The following TRPC7 variants were observed in gnomAD, a reference collection of about 807,000 sequenced individuals.
TRPC7 encodes the protein short transient receptor potential channel 7.
Under a neutral mutation model 90.1 loss-of-function variants are expected in TRPC7, and 42 were observed. The observed-to-expected ratio is 0.47, with a 90% CI of 0.36 to 0.60. The LOEUF (loss-of-function observed/expected upper bound fraction) is 0.60, where lower values mean the gene tolerates loss of function less well. TRPC7 is among the 20% of genes least tolerant of loss of function. TRPC7 has a pLI of 0.00. For synonymous variants in TRPC7, 451 were observed against 436.3 expected, an observed-to-expected ratio of 1.03 and a Z score of -0.42; for missense variants, 955 against 1,112.3, an observed-to-expected ratio of 0.86 and a Z score of 2.01.
At chr5:136,263,122 C>T (rs377446524) in intron 5 of TRPC7, among the ~76,000 whole-genome samples, 7 of 152,140 alleles carry the variant, frequency 4.6e-5, no homozygotes, top group African/African-American at 7.2e-5. Flanking sequence ...AGCTAAAAGC[C>T]GAACCGTTTT....
At chr5:136,238,231 G>A (rs376371746) in intron 7 of TRPC7, among the ~76,000 whole-genome samples, 13 of 152,128 alleles carry the variant, frequency 8.5e-5, no homozygotes, top group African/African-American at 1.4e-4. Context: ...CCCTAGCTCC[G>A]AGCTCTTAAT....
At chr5:136,320,088 C>T (rs1303813) in intron 2 of TRPC7, among the ~76,000 whole-genome samples, 104,273 of 151,692 alleles carry the variant, frequency 0.69, 36,144 homozygotes, top group African/African-American at 0.77. Context: ...CATTTTGAAC[C>T]TCATAAAATT....
chr5:136,365,314 G>A lies in TRPC7; in HGVS notation c.-60C>T, dbSNP rs1400848482. On this transcript the variant is annotated 5_prime_UTR_variant, in exon 1 of 12. Coordinates refer to ENST00000513104, the MANE Select transcript of TRPC7 (RefSeq NM_020389.3). ...GATGACCGGAATCCGGTGTTGAGTC[G>A]CCAGAAGCTGGCTCCCCATGGGTGG... 5 of 1,529,392 alleles carry A rather than the reference G, an allele frequency of 3.3e-6. No individual in the cohort carries two copies. The highest frequency in any genetic ancestry group is 1.2e-5 in the South Asian group (1 of 83,874). 94.7% of individuals were successfully genotyped at this position (1,529,392 alleles called of 1,614,324 possible). A position where few individuals can be genotyped will look rare whatever the true frequency, so the allele number is the denominator to read the frequency against.
Position 136,274,763 on chromosome 5 carries a change from C to A in TRPC7, c.1038G>T (p.Gln346His). The A allele has an allele frequency of 6.2e-7, 1 of 1,609,024 alleles. No individual in the cohort carries two copies. The highest frequency in any genetic ancestry group is 8.5e-7 in the Non-Finnish European group (1 of 1,177,774). ...CAGCCAGGAATTTCACAGCGATAGA[C>A]TGTTGACGTAAGCCTGAGAGATTTT... ...WYENLSGLRQ[Q>H]SIAVKFLAVF... The change falls in exon 4 of 12, where the codon CAG (glutamine) becomes CAT (histidine). Residue 346 changes from glutamine (Q) to histidine (H), a missense_variant. By Grantham distance (24) the Gln-to-His change is conservative. Transcript: ENST00000513104.
chr5:136,299,514 C>T (rs1454495734), intron 3 of TRPC7, among the ~76,000 whole-genome samples: 2 of 152,040 alleles, frequency 1.3e-5, no homozygotes, highest in Admixed American at 1.3e-4. Context: ...AAATTTTCAA[C>T]TACAATTATA....
chr5:136,262,118 C>T (rs1340535066), intron 5 of TRPC7, among the ~76,000 whole-genome samples: 5 of 152,312 alleles, frequency 3.3e-5, no homozygotes, highest in African/African-American at 9.6e-5. Context: ...CCATTTCCTT[C>T]CTGTCTAAAT....
intron 2 of TRPC7, among the ~76,000 whole-genome samples, chr5:136,330,162 C>A (rs1038406042): frequency 2.6e-5 from 4 of 152,194 alleles, no homozygotes; most frequent in Non-Finnish European, 4.4e-5. Context: ...CCCACCTGCC[C>A]CGCCCCCACA....
intron 2 of TRPC7, among the ~76,000 whole-genome samples, chr5:136,355,218 T>A (rs1760325614): frequency 6.6e-6 from 1 of 152,196 alleles, no homozygotes; most frequent in South Asian, 2.1e-4. Flanking sequence ...CAGTGGGCAA[T>A]CCTTTATCAT....
At chr5:136,223,645 G>T (rs541453023) in intron 10 of TRPC7, among the ~76,000 whole-genome samples, 4 of 151,390 alleles carry the variant, frequency 2.6e-5, no homozygotes, top group South Asian at 4.2e-4. Flanking sequence ...AAAAAAAAAA[G>T]TAAAAAAAGA....
chr5:136,356,561 G>A (rs1418006106), intron 2 of TRPC7, 47 bp downstream of exon 2: 3 of 1,486,322 alleles, frequency 2.0e-6, no homozygotes, highest in Non-Finnish European at 2.7e-6. Context: ...ACACGTGGAA[G>A]AGCCCCCTGG....
chr5:136,213,658 T>C, intron 11 of TRPC7, 54 bp from the exon 12 acceptor site: 1 of 1,590,910 alleles, frequency 6.3e-7, no homozygotes, highest in Non-Finnish European at 8.6e-7. Context: ...GCTCGGGGCT[T>C]GTCCCATGCA....
intron 7 of TRPC7, among the ~76,000 whole-genome samples, chr5:136,235,831 T>C (rs568237067): frequency 1.3e-5 from 2 of 152,304 alleles, no homozygotes; most frequent in African/African-American, 4.8e-5. Context: ...TTATAAAGTT[T>C]GCCACAGATT....
chr5:136,226,341 A>C lies in TRPC7; in HGVS notation c.2041-86T>G, dbSNP rs549143570. The stretch of plus-strand genomic sequence containing the variant: ...ACCTGAGGAGCAGAGACACAGCCCC[A>C]ACATTCGGAAAGCAGACTTCTAAGC... On this transcript the variant is annotated intron_variant, in intron 8 of 11. Coordinates refer to ENST00000513104, the MANE Select transcript of TRPC7 (RefSeq NM_020389.3). The C allele has an allele frequency of 7.4e-6, 7 of 946,498 alleles. No homozygotes were observed. In the Admixed American group the frequency reaches 1.2e-4, roughly 16 times the overall value. The allele number at this position is 946,498 out of a possible 1,614,324, so 58.6% of individuals were successfully genotyped here.
At chr5:136,363,115 C>T (rs1347737427) in intron 1 of TRPC7, among the ~76,000 whole-genome samples, 1 of 152,138 alleles carries the variant, frequency 6.6e-6, no homozygotes, top group Admixed American at 6.5e-5. Flanking sequence ...ATTAGCTCCA[C>T]TATAAATTAT....
intron 2 of TRPC7, among the ~76,000 whole-genome samples, chr5:136,320,158 CAA>C (rs57669749): frequency 2.9e-4 from 42 of 142,850 alleles, no homozygotes; most frequent in African/African-American, 9.3e-4. Context: ...TTGTCCTAGA[CAA>C]AAAAAAAAAA....
intron 3 of TRPC7, among the ~76,000 whole-genome samples, chr5:136,311,891 G>A (rs1233314520): frequency 6.6e-6 from 1 of 152,232 alleles, no homozygotes; most frequent in Admixed American, 6.5e-5. Flanking sequence ...TGTGAGCAAT[G>A]TGTGTGTTAA....
intron 6 of TRPC7, among the ~76,000 whole-genome samples, chr5:136,248,889 G>A (rs1298997204): frequency 2.6e-5 from 4 of 152,226 alleles, no homozygotes; most frequent in African/African-American, 9.6e-5. Flanking sequence ...CGGTGTCTCT[G>A]GTTGTCAAAG....
chr5:136,244,255 C>T (rs187846557), intron 7 of TRPC7, among the ~76,000 whole-genome samples: 1 of 151,134 alleles, frequency 6.6e-6, no homozygotes, highest in Non-Finnish European at 1.5e-5. Flanking sequence ...CCAGGCTGGT[C>T]TCAAACTCTT....
chr5:136,297,329 C>G (rs936834456), intron 3 of TRPC7, among the ~76,000 whole-genome samples: 1 of 152,104 alleles, frequency 6.6e-6, no homozygotes, highest in Non-Finnish European at 1.5e-5. Flanking sequence ...ACAGGATGAT[C>G]CCCTCCTTCT....
Sources: allele counts gnomAD v4.1 joint callset (sites outside exome capture counted in the v4.1 genomes callset), GRCh38; gene constraint gnomAD v4.1.1; transcripts MANE v1.5; gene names NCBI Gene and HGNC (gene_info 2026-07-23, HGNC 2026-07-21).